The following NFIB variants were observed in gnomAD, a reference collection of about 807,000 sequenced individuals.
NFIB encodes nuclear factor I B.
In NFIB, 11 loss-of-function variants were observed where a neutral mutation model predicts 61.5. The observed-to-expected ratio is 0.18, with a 90% CI of 0.11 to 0.30. The LOEUF (loss-of-function observed/expected upper bound fraction) is 0.30. NFIB is among the 10% of genes least tolerant of loss of function. The pLI, the probability that NFIB is intolerant of heterozygous loss-of-function variation, is 1.00. For missense variants in NFIB, 471 were observed against 608.9 expected, an observed-to-expected ratio of 0.77 and a Z score of 2.38; for synonymous variants, 260 against 216.5, an observed-to-expected ratio of 1.20 and a Z score of -1.76.
the NFIB span, among the ~76,000 whole-genome samples, chr9:14,491,112 G>A: frequency 1.3e-5 from 2 of 152,228 alleles, no homozygotes; most frequent in East Asian, 1.9e-4. Flanking sequence ...ACTTACCAAC[G>A]ATATAATTTT....
chr9:14,442,595 T>A, the NFIB span, among the ~76,000 whole-genome samples: 1 of 152,138 alleles, frequency 6.6e-6, no homozygotes, highest in East Asian at 1.9e-4. Flanking sequence ...CTCCCCAAGC[T>A]GCAGGTTTGC....
intron 3 of NFIB, among the ~76,000 whole-genome samples, chr9:14,167,729 G>C (rs956257477): frequency 1.3e-5 from 2 of 152,154 alleles, no homozygotes; most frequent in African/African-American, 2.4e-5. Flanking sequence ...AGTGTAATCA[G>C]GAATATTTTT....
chr9:14,288,632 G>A (rs1326131365), intron 2 of NFIB, among the ~76,000 whole-genome samples: 1 of 152,006 alleles, frequency 6.6e-6, no homozygotes, highest in African/African-American at 2.4e-5. Context: ...CAGTCACACA[G>A]GGTTCCCTCC....
chr9:14,427,937 GTTTTTTTT>G, the NFIB span, among the ~76,000 whole-genome samples: 31 of 43,422 alleles, frequency 7.1e-4, 1 homozygote, highest in South Asian at 1.6e-3. Context: ...TAATTCAGTT[GTTTTTTTT>G]TTTTTTTTTT....
intron 6 of NFIB, among the ~76,000 whole-genome samples, chr9:14,131,000 G>C (rs2040337168): frequency 6.6e-6 from 1 of 152,142 alleles, no homozygotes; most frequent in African/African-American, 2.4e-5. Flanking sequence ...GATGCTCATG[G>C]TTTAGTAGAG....
At chr9:14,215,943 A>G (rs1265134449) in intron 2 of NFIB, among the ~76,000 whole-genome samples, 1 of 152,192 alleles carries the variant, frequency 6.6e-6, no homozygotes, top group East Asian at 1.9e-4. Context: ...GAATTGCTTT[A>G]TGTAAATTCT....
chr9:14,258,586 G>A (rs1181217437), intron 2 of NFIB, among the ~76,000 whole-genome samples: 1 of 152,204 alleles, frequency 6.6e-6, no homozygotes, highest in Non-Finnish European at 1.5e-5. Context: ...GCTCCTAGGT[G>A]TTTTACAGTA....
At chr9:14,433,871 G>A in the NFIB span, among the ~76,000 whole-genome samples, 64 of 152,276 alleles carry the variant, frequency 4.2e-4, no homozygotes, top group African/African-American at 1.5e-3. Context: ...ATGTCTGGTT[G>A]CAAATGTTGT....
At chr9:14,300,072 T>C (rs1312146864) in intron 2 of NFIB, 2 of 397,200 alleles carry the variant, frequency 5.0e-6, no homozygotes, top group Admixed American at 4.4e-5. Flanking sequence ...TTCTCTGCAG[T>C]TTGATGATTT....
intron 2 of NFIB, among the ~76,000 whole-genome samples, chr9:14,211,546 T>A (rs772063309): frequency 6.6e-6 from 1 of 152,230 alleles, no homozygotes; most frequent in African/African-American, 2.4e-5. Flanking sequence ...AAAATACTAG[T>A]ATAGTTACTC....
chr9:14,230,579 C>A (rs2053001550), intron 2 of NFIB, among the ~76,000 whole-genome samples: 1 of 151,986 alleles, frequency 6.6e-6, no homozygotes, highest in South Asian at 2.1e-4. Context: ...ACATAGTACG[C>A]ACTTAACTAA....
At chr9:14,205,930 A>AACACAC (rs112967996) in intron 2 of NFIB, among the ~76,000 whole-genome samples, 94 of 148,682 alleles carry the variant, frequency 6.3e-4, no homozygotes, top group African/African-American at 1.6e-3. Flanking sequence ...TCACCTGAAA[A>AACACAC]ACACACACAC....
At chr9:14,246,995 C>CTG (rs2055009081) in intron 2 of NFIB, among the ~76,000 whole-genome samples, 2 of 148,056 alleles carry the variant, frequency 1.4e-5, no homozygotes, top group Admixed American at 1.3e-4. Context: ...CTTTCTTTCA[C>CTG]TATATCTCTC....
the NFIB span, among the ~76,000 whole-genome samples, chr9:14,404,961 G>T: frequency 6.6e-6 from 1 of 152,216 alleles, no homozygotes; most frequent in Non-Finnish European, 1.5e-5. Flanking sequence ...AAGAGACTCC[G>T]TGTAGTTTTT....
At chr9:14,422,947 A>G in the NFIB span, among the ~76,000 whole-genome samples, 1 of 152,150 alleles carries the variant, frequency 6.6e-6, no homozygotes, top group Admixed American at 6.5e-5. Flanking sequence ...ACAGTTCTGG[A>G]TTTTCAATAA....
chr9:14,505,603 C>T, the NFIB span, among the ~76,000 whole-genome samples: 1 of 152,116 alleles, frequency 6.6e-6, no homozygotes, highest in Non-Finnish European at 1.5e-5. Context: ...CACCCCATGC[C>T]CACAACCAAG....
chr9:14,394,805 G>T (rs1024227627), intron 1 of NFIB, among the ~76,000 whole-genome samples: 1 of 152,122 alleles, frequency 6.6e-6, no homozygotes, highest in Non-Finnish European at 1.5e-5. Context: ...TTACTGAACT[G>T]CCCTAAGTCT....
In NFIB at chr9:14,155,836, C is replaced by A; in HGVS notation, c.674G>T (p.Arg225Ile). The A allele has an allele frequency of 6.3e-7, 1 of 1,578,384 alleles. No individual in the cohort carries two copies. The highest frequency in any genetic ancestry group is 1.2e-5 in the South Asian group (1 of 85,526). ...AACAATTTACTTACTTCTGGATACTCTTACAAGTTCTGATACATTGAAGAC... is the reference window on the plus strand; with the variant it reads ...AACAATTTACTTACTTCTGGATACTATTACAAGTTCTGATACATTGAAGAC... ...SGVFNVSELV[R>I]VSRTPITQGT... is the part of the protein sequence containing the mutation. Residue 225 changes from arginine to isoleucine, a missense_variant, in exon 4 of 11, where the codon AGA (arginine) becomes ATA (isoleucine). Arg to Ile is a moderately conservative substitution (Grantham distance 97, BLOSUM62 -3). Coordinates refer to ENST00000380953, the MANE Select transcript of NFIB (RefSeq NM_001190737.2).
chr9:14,271,690 C>G (rs2057636725), intron 2 of NFIB, among the ~76,000 whole-genome samples: 2 of 152,112 alleles, frequency 1.3e-5, no homozygotes, highest in African/African-American at 4.8e-5. Flanking sequence ...ACTGCTGTTA[C>G]ATGGAGCAAA....
Sources: allele counts gnomAD v4.1 joint callset (sites outside exome capture counted in the v4.1 genomes callset), GRCh38; gene constraint gnomAD v4.1.1; transcripts MANE v1.5; gene names NCBI Gene and HGNC (gene_info 2026-07-23, HGNC 2026-07-21).